Variants in IPPK observed in about 807,000 individuals in gnomAD.
IPPK encodes the protein IPK1 homolog.
Under a neutral mutation model 64.6 loss-of-function variants are expected in IPPK, and 22 were observed. The observed-to-expected ratio is 0.34, with a 90% CI of 0.24 to 0.49. The LOEUF is 0.49. Among genes scored for constraint, IPPK ranks in the 20% least tolerant of loss-of-function variants. The pLI, the probability that IPPK is intolerant of heterozygous loss-of-function variation, is 0.99. For synonymous variants in IPPK, 262 were observed against 247.2 expected (o/e 1.06, Z -0.56); for missense variants, 532 against 630.7 (o/e 0.84, Z 1.68).
chr9:92,621,507 CTTTTTTTTT>C (rs58003734), intron 11 of IPPK, among the ~76,000 whole-genome samples: 2 of 87,800 alleles, frequency 2.3e-5, no homozygotes, highest in Non-Finnish European at 4.2e-5. Flanking sequence ...AATACCATTC[CTTTTTTTTT>C]TTTTTTTTTT....
At chr9:92,654,288 G>A (rs550002087) in intron 3 of IPPK, among the ~76,000 whole-genome samples, 21 of 152,308 alleles carry the variant, frequency 1.4e-4, no homozygotes, top group African/African-American at 4.3e-4. Context: ...AGGACAAGGC[G>A]GGCTGATCAC....
chr9:92,643,397 T>C (rs1032353344), intron 6 of IPPK, among the ~76,000 whole-genome samples: 1 of 152,116 alleles, frequency 6.6e-6, no homozygotes, highest in Non-Finnish European at 1.5e-5. Flanking sequence ...CACTCATCAG[T>C]AGGGAAATGA....
intron 1 of IPPK, among the ~76,000 whole-genome samples, chr9:92,668,491 C>T (rs1229038222): frequency 6.6e-6 from 1 of 151,676 alleles, no homozygotes; most frequent in South Asian, 2.1e-4. Context: ...CTTCATCTGC[C>T]ACTACTTTTG....
chr9:92,639,468 CCT>C (rs1370866211), intron 8 of IPPK, among the ~76,000 whole-genome samples: 23 of 152,176 alleles, frequency 1.5e-4, no homozygotes, highest in African/African-American at 3.9e-4. Context: ...TTGGCGGTGC[CCT>C]GTTATCTTAA....
At chr9:92,666,031 G>A (rs1027813338) in intron 1 of IPPK, among the ~76,000 whole-genome samples, 1 of 152,180 alleles carries the variant, frequency 6.6e-6, no homozygotes, top group African/African-American at 2.4e-5. Context: ...TCTCAGAAAG[G>A]TCACGAAACT....
rs3802383 is a variant in IPPK at position 92,614,823 on chromosome 9, G to A, written c.*1009C>T. ...CCGGGCACACTTTGGTGACCCCAAC[G>A]AGAACCCTCTCGGCAGCAGCCAGGA... On this transcript the variant is annotated 3_prime_UTR_variant, in exon 13 of 13. Transcript: ENST00000287996. The A allele has an allele frequency of 0.039, 6,003 of 152,698 alleles. 178 individuals are homozygous for A. The highest frequency in any genetic ancestry group is 0.1 in the South Asian group (503 of 4,824). The allele number at this position is 152,698 out of a possible 1,614,324, so 9.5% of individuals were successfully genotyped here.
intron 9 of IPPK, 136 bp downstream of exon 9, chr9:92,637,865 G>A: frequency 1.1e-6 from 1 of 910,102 alleles, no homozygotes; most frequent in South Asian, 2.0e-5. Flanking sequence ...CCCCGTGCTG[G>A]GAGCCCTGGC....
chr9:92,633,330 G>A (rs1587626259), intron 11 of IPPK, among the ~76,000 whole-genome samples: 1 of 150,552 alleles, frequency 6.6e-6, no homozygotes. Context: ...ATTTTAAAAT[G>A]TGTAATATAA....
rs1588322351 is a variant in IPPK, at chr9:92,613,360, A to G, written c.*2472T>C. On this transcript the variant is annotated 3_prime_UTR_variant, in exon 13 of 13. Transcript: ENST00000287996. ...ATGCCAAATAAAAGTGACACGTACA[A>G]TGTGGTTTATAAAAATAAGCTTAAC... 5.7e-6 allele frequency: 3 copies of G among 525,578 alleles called. No individual in the cohort carries two copies. The highest frequency in any genetic ancestry group is 3.6e-5 in the East Asian group (1 of 27,852). The allele number at this position is 525,578 out of a possible 1,614,324, so 32.6% of individuals were successfully genotyped here.
chr9:92,634,132 G>A (rs766806839), intron 11 of IPPK, among the ~76,000 whole-genome samples: 1 of 152,166 alleles, frequency 6.6e-6, no homozygotes, highest in Non-Finnish European at 1.5e-5. Context: ...CAGATCGGCC[G>A]CCCCTGGGGC....
chr9:92,631,528 T>C (rs1238718525), intron 11 of IPPK, among the ~76,000 whole-genome samples: 2 of 152,188 alleles, frequency 1.3e-5, no homozygotes, highest in Non-Finnish European at 2.9e-5. Flanking sequence ...AACTTTTGTG[T>C]AGGAAGGAAT....
At chr9:92,628,241 A>C (rs1851769593) in intron 11 of IPPK, among the ~76,000 whole-genome samples, 1 of 152,256 alleles carries the variant, frequency 6.6e-6, no homozygotes, top group Admixed American at 6.5e-5. Flanking sequence ...ATAGATCAAA[A>C]GACTTACTAC....
At chr9:92,630,391 A>G (rs1851816422) in intron 11 of IPPK, among the ~76,000 whole-genome samples, 1 of 152,326 alleles carries the variant, frequency 6.6e-6, no homozygotes, top group South Asian at 2.1e-4. Flanking sequence ...ATGGGGAGAC[A>G]ATGGGACGAT....
rs1851333850 is a variant in IPPK at position 92,613,446 on chromosome 9, C to CGG, written c.*2385_*2386insCC. ...AGATGTGTGGGGAGGATCCATCCCC[C>CGG]ACCCACTGCAGCCTCACACCGAGTC... On this transcript the variant is annotated 3_prime_UTR_variant, in exon 13 of 13. Coordinates refer to ENST00000287996, the MANE Select transcript of IPPK (RefSeq NM_022755.6). 3.0e-6 allele frequency: 1 copy of CGG among 329,994 alleles called. No homozygotes were observed. The highest frequency in any genetic ancestry group is 2.1e-5 in the African/African-American group (1 of 47,114). The allele number at this position is 329,994 out of a possible 1,614,324, so 20.4% of individuals were successfully genotyped here.
intron 8 of IPPK, 136 bp downstream of exon 8, chr9:92,640,574 G>T: frequency 1.4e-6 from 1 of 705,946 alleles, no homozygotes; most frequent in Non-Finnish European, 2.6e-6. Context: ...GACTGAACCA[G>T]TCAGGGCATG....
intron 6 of IPPK, among the ~76,000 whole-genome samples, chr9:92,646,546 G>A (rs1236373979): frequency 6.6e-6 from 1 of 152,194 alleles, no homozygotes; most frequent in South Asian, 2.1e-4. Context: ...AGAAATCAGA[G>A]AATGAATTAA....
In IPPK at chr9:92,638,180, C is replaced by A. The variant is rs1476795635; in HGVS notation, c.737G>T (p.Gly246Val). Residue 246 changes from glycine to valine, a missense_variant, in exon 9 of 13, where the codon GGC (glycine) becomes GTC (valine). Gly to Val is a moderately radical substitution (Grantham distance 109, BLOSUM62 -3). Transcript: ENST00000287996. Reference sequence around the variant, plus strand: ...TGTGCAGTGGGGCCCACTGGCCAGGCCGTTGGAAGGGAAGAAGAACGGCTT... The same window carrying A: ...TGTGCAGTGGGGCCCACTGGCCAGGACGTTGGAAGGGAAGAAGAACGGCTT... ...HLKPFFFPSN[G>V]LASGPHCTRA... is the part of the protein sequence containing the mutation. The A allele has an allele frequency of 6.2e-7, 1 of 1,614,130 alleles. No homozygotes were observed. Among genetic ancestry groups the A allele is most frequent in the African/African-American group, 1.3e-5 (1 of 74,940 alleles).
chr9:92,643,756 G>A (rs1852097265), intron 6 of IPPK, among the ~76,000 whole-genome samples: 1 of 152,226 alleles, frequency 6.6e-6, no homozygotes, highest in Non-Finnish European at 1.5e-5. Flanking sequence ...AAGGGTGTGT[G>A]TATGCACGTA....
intron 11 of IPPK, among the ~76,000 whole-genome samples, chr9:92,625,921 A>ATT (rs368138756): frequency 6.7e-6 from 1 of 148,220 alleles, no homozygotes; most frequent in African/African-American, 2.5e-5. Context: ...AAAATAAGAG[A>ATT]TTTTTTTTTT....
Sources: gnomAD v4.1 joint callset for allele counts (sites outside exome capture counted in the v4.1 genomes callset) on GRCh38, gnomAD v4.1.1 for gene constraint, MANE v1.5 for transcripts, NCBI Gene and HGNC (gene_info 2026-07-23, HGNC 2026-07-21) for gene names.